The following LAMA2 variants were observed in gnomAD, a reference collection of about 807,000 sequenced individuals.
LAMA2 encodes laminin subunit alpha 2, also known as laminin subunit alpha-2.
Under a neutral mutation model 364.8 loss-of-function variants are expected in LAMA2, and 269 were observed. The observed-to-expected ratio is 0.74, with a 90% confidence interval of 0.67 to 0.82. The LOEUF is 0.82. Ranked by LOEUF, LAMA2 falls within the 40% of genes least tolerant of loss-of-function variation. The pLI is 0.00. For synonymous variants in LAMA2, 1,379 were observed against 1,370.6 expected (o/e 1.01, Z -0.14); for missense variants, 3,807 against 3,873.2 (o/e 0.98, Z 0.45).
chr6:129,046,227 G>A (rs984999859), intron 1 of LAMA2, among the ~76,000 whole-genome samples: 5 of 152,172 alleles, frequency 3.3e-5, no homozygotes, highest in Non-Finnish European at 5.9e-5. Flanking sequence ...TGACAAATAA[G>A]CAGTGCTTTA....
At chr6:129,256,615 A>G (rs1786685425) in intron 14 of LAMA2, among the ~76,000 whole-genome samples, 1 of 151,836 alleles carries the variant, frequency 6.6e-6, no homozygotes, top group Non-Finnish European at 1.5e-5. Flanking sequence ...GAAGGAAGCA[A>G]TGAATTCTTG....
chr6:129,320,469 G>A (rs1219443129), intron 27 of LAMA2, 69 bp from the exon 28 acceptor site: 2 of 902,426 alleles, frequency 2.2e-6, no homozygotes, highest in Non-Finnish European at 3.8e-6. Context: ...ATTGCTGTAG[G>A]ATTGATTGTT....
chr6:129,183,096 A>C (rs2115023568), intron 10 of LAMA2, among the ~76,000 whole-genome samples: 1 of 152,112 alleles, frequency 6.6e-6, no homozygotes, highest in East Asian at 1.9e-4. Flanking sequence ...CTAGCTCAAG[A>C]CACTCAAATG....
At chr6:129,273,606 CTT>C (rs1267668921) in intron 17 of LAMA2, among the ~76,000 whole-genome samples, 1 of 152,056 alleles carries the variant, frequency 6.6e-6, no homozygotes, top group Admixed American at 6.6e-5. Context: ...ATTGTTGTCT[CTT>C]TATTTGTTGT....
intron 1 of LAMA2, among the ~76,000 whole-genome samples, chr6:129,037,772 C>T (rs1421829595): frequency 3.3e-5 from 5 of 151,644 alleles, no homozygotes; most frequent in Non-Finnish European, 7.4e-5. Context: ...CAGGTTCACG[C>T]CATTCTCCCG....
intron 9 of LAMA2, among the ~76,000 whole-genome samples, chr6:129,169,037 C>T (rs1010347739): frequency 4.6e-5 from 7 of 152,174 alleles, no homozygotes; most frequent in Non-Finnish European, 8.8e-5. Context: ...GCTGAAGTTG[C>T]TTATCAGCTT....
chr6:129,066,053 T>TTTTTTTTC (rs1332590377), intron 3 of LAMA2, among the ~76,000 whole-genome samples: 6 of 101,160 alleles, frequency 5.9e-5, no homozygotes, highest in Admixed American at 1.1e-4. Flanking sequence ...TTTTTTTTTT[T>TTTTTTTTC]TTTTTTTTTT....
intron 1 of LAMA2, among the ~76,000 whole-genome samples, chr6:128,969,131 T>C (rs147242491): frequency 6.8e-4 from 103 of 152,272 alleles, no homozygotes; most frequent in African/African-American, 2.5e-3. Flanking sequence ...AATAACACTA[T>C]CAATTCTGGC....
At chr6:129,381,346 C>A (rs1414614752) in intron 34 of LAMA2, among the ~76,000 whole-genome samples, 1 of 150,808 alleles carries the variant, frequency 6.6e-6, no homozygotes, top group South Asian at 2.1e-4. Context: ...TTTTTCTTTT[C>A]TTTTCTTTTT....
At chr6:129,498,833 T>G (rs968114497) in intron 58 of LAMA2, among the ~76,000 whole-genome samples, 2 of 152,226 alleles carry the variant, frequency 1.3e-5, no homozygotes, top group African/African-American at 4.8e-5. Flanking sequence ...TCATACGCAC[T>G]CCTGAATCTA....
chr6:129,306,129 T>A (rs1002805861), intron 22 of LAMA2, among the ~76,000 whole-genome samples: 2 of 151,962 alleles, frequency 1.3e-5, no homozygotes, highest in African/African-American at 4.8e-5. Flanking sequence ...TAGTCAATTA[T>A]CTTTTTAAAC....
chr6:129,086,062 A>G (rs1440266943), intron 3 of LAMA2, among the ~76,000 whole-genome samples: 1 of 152,216 alleles, frequency 6.6e-6, no homozygotes, highest in East Asian at 1.9e-4. Flanking sequence ...TCACCACTTT[A>G]AAATTTAGGG....
chr6:129,173,459 A>G (rs949012657), intron 9 of LAMA2, among the ~76,000 whole-genome samples: 9 of 152,194 alleles, frequency 5.9e-5, no homozygotes, highest in Non-Finnish European at 1.2e-4. Flanking sequence ...GTCCTACTAT[A>G]TAAGATGTGA....
intron 40 of LAMA2, among the ~76,000 whole-genome samples, chr6:129,425,250 T>C (rs911024059): frequency 1.3e-5 from 2 of 151,998 alleles, no homozygotes; most frequent in African/African-American, 4.8e-5. Flanking sequence ...GCATGGTTTA[T>C]TTATGCCAGT....
chr6:129,512,427 T>C lies in LAMA2; in HGVS notation c.8922T>C (p.Thr2974=). ...VEFEFRTTTT[T]GVLLGISSQK... ...TTGAATTCCGCACAACTACAACGAC[T>C]GGAGTTCTTCTGGGGATCAGTAGTC... The change falls in exon 63 of 65, where the codon ACT becomes ACC. Residue 2974 remains threonine (T), a synonymous_variant. Coordinates refer to ENST00000421865, the MANE Select transcript of LAMA2 (RefSeq NM_000426.4). 1 of 1,613,622 alleles carries C rather than the reference T, an allele frequency of 6.2e-7. No individual in the cohort carries two copies. The highest frequency in any genetic ancestry group is 8.5e-7 in the Non-Finnish European group (1 of 1,179,546).
intron 1 of LAMA2, among the ~76,000 whole-genome samples, chr6:128,911,917 CTTCT>C (rs1198519646): frequency 6.6e-6 from 1 of 152,064 alleles, no homozygotes; most frequent in Non-Finnish European, 1.5e-5. Flanking sequence ...TTCTGTCTGC[CTTCT>C]TTCACCCAGT....
chr6:129,421,737 T>G (rs78781585), intron 40 of LAMA2, among the ~76,000 whole-genome samples: 2 of 152,180 alleles, frequency 1.3e-5, no homozygotes, highest in Non-Finnish European at 2.9e-5. Context: ...CTGACAGTTG[T>G]ATGCCATAAG....
At chr6:129,338,598 T>C (rs2114558909) in intron 29 of LAMA2, among the ~76,000 whole-genome samples, 1 of 152,286 alleles carries the variant, frequency 6.6e-6, no homozygotes, top group East Asian at 1.9e-4. Context: ...AAATTTGGGC[T>C]TTTTCATCTG....
intron 12 of LAMA2, among the ~76,000 whole-genome samples, chr6:129,233,414 T>C (rs112798240): frequency 1.1e-3 from 173 of 152,322 alleles, no homozygotes; most frequent in African/African-American, 3.8e-3. Flanking sequence ...GAAGCCTTAC[T>C]GATAACATAA....
Sources: allele counts gnomAD v4.1 joint callset (sites outside exome capture counted in the v4.1 genomes callset), GRCh38; gene constraint gnomAD v4.1.1; transcripts MANE v1.5; gene names NCBI Gene and HGNC (gene_info 2026-07-23, HGNC 2026-07-21).